The following N4BP2L1 variants were observed in gnomAD, a reference collection of about 807,000 sequenced individuals.
N4BP2L1 encodes the protein NEDD4 binding protein 2 like 1.
A neutral mutation model predicts 21.2 loss-of-function variants in N4BP2L1; 12 were observed. The observed-to-expected ratio is 0.57, with a 90% CI of 0.36 to 0.92. N4BP2L1 has a LOEUF of 0.92. Ranked by LOEUF, N4BP2L1 falls within the 40% of genes least tolerant of loss-of-function variation. The pLI, the probability that N4BP2L1 is intolerant of heterozygous loss-of-function variation, is 0.01. For synonymous variants in N4BP2L1, 104 were observed against 112.8 expected (o/e 0.92, Z 0.49); for missense variants, 259 against 310.6 (o/e 0.83, Z 1.25).
chr13:32,415,707 A>T (rs2074099303), intron 1 of N4BP2L1, among the ~76,000 whole-genome samples: 3 of 152,202 alleles, frequency 2.0e-5, no homozygotes, highest in African/African-American at 7.2e-5. Context: ...ATAGAGAGGA[A>T]TTTTTTAGAA....
At position 32,427,987 on chromosome 13, in the gene N4BP2L1, C is replaced by T. The variant is rs1332694741; in HGVS notation, c.96G>A (p.Gly32=). 4.5e-6 allele frequency: 7 copies of T among 1,554,418 alleles called. No homozygotes were observed. In the Admixed American group the frequency reaches 8.0e-5, roughly 18 times the overall value. Residue 32 remains glycine (G), a synonymous_variant, in exon 1 of 5, where the codon GGG becomes GGA. Transcript: ENST00000380130. The part of the protein sequence containing the change: ...RQRPPRPPPR[G]TPPRRHSFRK... ...TAAAGCTGTGGCGGCGAGGAGGTGTCCCCCGCGGGGGCGGCCGGGGCGGCC... is the reference window on the plus strand; with the variant it reads ...TAAAGCTGTGGCGGCGAGGAGGTGTTCCCCGCGGGGGCGGCCGGGGCGGCC...
intron 1 of N4BP2L1, 62 bp downstream of exon 1, chr13:32,427,842 G>T (rs538417479): frequency 1.7e-6 from 2 of 1,174,704 alleles, no homozygotes; most frequent in Admixed American, 4.3e-5. Flanking sequence ...GCAGGGGTGC[G>T]CTCGGCCGGG....
chr13:32,414,144 A>G (rs2074007639), intron 1 of N4BP2L1, among the ~76,000 whole-genome samples: 1 of 152,174 alleles, frequency 6.6e-6, no homozygotes, highest in Non-Finnish European at 1.5e-5. Flanking sequence ...GGCCTCTCAA[A>G]GTGCTGGGAT....
intron 1 of N4BP2L1, among the ~76,000 whole-genome samples, chr13:32,423,775 G>A (rs1185129838): frequency 6.6e-6 from 1 of 152,212 alleles, no homozygotes; most frequent in Admixed American, 6.5e-5. Flanking sequence ...CCCGGGGTCG[G>A]GGGAGTGGGG....
In N4BP2L1 at chr13:32,401,811, C is replaced by T; in HGVS notation, c.*1131G>A. The T allele has an allele frequency of 4.2e-6, 2 of 481,444 alleles. No homozygotes were observed. Among genetic ancestry groups the T allele is most frequent in the Non-Finnish European group, 5.4e-6 (2 of 368,930 alleles). The allele number at this position is 481,444 out of a possible 1,614,324, so 29.8% of individuals were successfully genotyped here. On this transcript the variant is annotated 3_prime_UTR_variant, in exon 5 of 5. Coordinates refer to ENST00000380130, the MANE Select transcript of N4BP2L1 (RefSeq NM_052818.3). Reference sequence around the variant, plus strand: ...ACACTTAAAATAATTTTTCACAGAACATTAGAAAGAAGCTGTTGGCCAACA... The same window carrying T: ...ACACTTAAAATAATTTTTCACAGAATATTAGAAAGAAGCTGTTGGCCAACA...
At position 32,402,858 on chromosome 13, in the gene N4BP2L1, C is replaced by G. The variant is rs2073223107; in HGVS notation, c.*84G>C. ...TCAGCTATTTACACTGGAATTGGAGCTCTGACTAAAATGCAACAAAAAATA... is the reference window on the plus strand; with the variant it reads ...TCAGCTATTTACACTGGAATTGGAGGTCTGACTAAAATGCAACAAAAAATA... On this transcript the variant is annotated 3_prime_UTR_variant, in exon 5 of 5. Transcript: ENST00000380130. 6.7e-7 allele frequency: 1 copy of G among 1,496,740 alleles called. No homozygotes were observed. Among genetic ancestry groups the G allele is most frequent in the Non-Finnish European group, 8.9e-7 (1 of 1,122,490 alleles). The allele number at this position is 1,496,740 out of a possible 1,614,324, so 92.7% of individuals were successfully genotyped here.
At position 32,401,116 on chromosome 13, in the gene N4BP2L1, G is replaced by C. The variant is rs2137681517; in HGVS notation, c.*1826C>G. On this transcript the variant is annotated 3_prime_UTR_variant, in exon 5 of 5. Transcript: ENST00000380130. ...CTAAAGCAGGGAGCCAGCCAAGTCAGGAGGGCTTGAATCTGGTCCTTTGAA... is the reference window on the plus strand; with the variant it reads ...CTAAAGCAGGGAGCCAGCCAAGTCACGAGGGCTTGAATCTGGTCCTTTGAA... 1 of 152,294 alleles carries C rather than the reference G, an allele frequency of 6.6e-6. No individual in the cohort carries two copies. The highest frequency in any genetic ancestry group is 2.1e-4 in the South Asian group (1 of 4,826). 9.4% of individuals were successfully genotyped at this position (152,294 alleles called of 1,614,324 possible).
In N4BP2L1 at chr13:32,402,240, A is replaced by G; in HGVS notation, c.*702T>C. On this transcript the variant is annotated 3_prime_UTR_variant, in exon 5 of 5. Transcript: ENST00000380130. Reference sequence around the variant, plus strand: ...ATTCAGGTTTAATCCTGCTGAATAAAGTAGTAAAAACACAAGGCGTGACTT... The same window carrying G: ...ATTCAGGTTTAATCCTGCTGAATAAGGTAGTAAAAACACAAGGCGTGACTT... 1 of 896,252 alleles carries G rather than the reference A, an allele frequency of 1.1e-6. No individual in the cohort carries two copies. The highest frequency in any genetic ancestry group is 1.2e-4 in the East Asian group (1 of 8,392). The allele number at this position is 896,252 out of a possible 1,614,324, so 55.5% of individuals were successfully genotyped here. A position where few individuals can be genotyped will look rare whatever the true frequency, so the allele number is the denominator to read the frequency against.
intron 1 of N4BP2L1, among the ~76,000 whole-genome samples, chr13:32,414,406 A>G (rs2074020190): frequency 6.6e-6 from 1 of 152,140 alleles, no homozygotes; most frequent in Non-Finnish European, 1.5e-5. Context: ...GATCATTTAG[A>G]GATATTCTTT....
upstream of N4BP2L1, among the ~76,000 whole-genome samples, chr13:32,429,439 C>T (rs897463481): frequency 6.6e-6 from 1 of 152,240 alleles, no homozygotes; most frequent in East Asian, 1.9e-4. Context: ...AGAAAATATA[C>T]ATAAATCGTA....
chr13:32,409,509 ATT>A, intron 1 of N4BP2L1, among the ~76,000 whole-genome samples: 3 of 152,352 alleles, frequency 2.0e-5, no homozygotes, highest in Non-Finnish European at 4.4e-5. Context: ...CCCATTAAAC[ATT>A]TATTGAGCAC....
chr13:32,422,153 G>A (rs1446549467), intron 1 of N4BP2L1, among the ~76,000 whole-genome samples: 2 of 151,642 alleles, frequency 1.3e-5, no homozygotes, highest in Non-Finnish European at 2.9e-5. Context: ...ATTCCCTGGT[G>A]AGTAATATTT....
At position 32,404,433 on chromosome 13, in the gene N4BP2L1, TAGTA is replaced by T. The variant is rs377155457; in HGVS notation, c.397-40_397-37del. 2,942 of 1,442,334 alleles carry T rather than the reference TAGTA, an allele frequency of 2.0e-3. 7 individuals are homozygous for T. The highest frequency in any genetic ancestry group is 2.5e-3 in the Non-Finnish European group (2,581 of 1,030,688). 89.3% of individuals were successfully genotyped at this position (1,442,334 alleles called of 1,614,324 possible). The stretch of plus-strand genomic sequence containing the variant: ...AAAAGTACATAAAACATTGAAGACA[TAGTA>T]TGTATGTTTGGGAATGTTTATGCTG... On this transcript the variant is annotated intron_variant, in intron 3 of 4. Coordinates refer to ENST00000380130, the MANE Select transcript of N4BP2L1 (RefSeq NM_052818.3).
intron 3 of N4BP2L1, among the ~76,000 whole-genome samples, chr13:32,405,401 T>G (rs1235798633): frequency 6.6e-6 from 1 of 152,006 alleles, no homozygotes; most frequent in African/African-American, 2.4e-5. Context: ...TCCCAGCTGC[T>G]GGGGTGGCTG....
intron 1 of N4BP2L1, among the ~76,000 whole-genome samples, chr13:32,421,019 T>C (rs1244002611): frequency 6.6e-6 from 1 of 152,232 alleles, no homozygotes; most frequent in African/African-American, 2.4e-5. Flanking sequence ...TTTCTCTTTA[T>C]GTGAATAATC....
intron 1 of N4BP2L1, among the ~76,000 whole-genome samples, chr13:32,408,897 G>A (rs1157909003): frequency 6.6e-6 from 1 of 152,222 alleles, no homozygotes; most frequent in African/African-American, 2.4e-5. Context: ...AGATGAGTAA[G>A]CACTTCAGGT....
Position 32,402,676 on chromosome 13 carries a change from G to T in N4BP2L1, c.*266C>A. The stretch of plus-strand genomic sequence containing the variant: ...AACCTATGTAAATATATTCTTGGGT[G>T]TGTTCTCAAGTTTTGGTTTCAAATT... On this transcript the variant is annotated 3_prime_UTR_variant, in exon 5 of 5. Coordinates refer to ENST00000380130, the MANE Select transcript of N4BP2L1 (RefSeq NM_052818.3). 8.1e-7 allele frequency: 1 copy of T among 1,233,704 alleles called. No individual in the cohort carries two copies. Among genetic ancestry groups the T allele is most frequent in the Non-Finnish European group, 1.0e-6 (1 of 986,702 alleles). 76.4% of individuals were successfully genotyped at this position (1,233,704 alleles called of 1,614,324 possible). A position where few individuals can be genotyped will look rare whatever the true frequency, so the allele number is the denominator to read the frequency against.
chr13:32,427,382 C>T (rs1341291383), intron 1 of N4BP2L1, among the ~76,000 whole-genome samples: 1 of 152,190 alleles, frequency 6.6e-6, no homozygotes, highest in Non-Finnish European at 1.5e-5. Flanking sequence ...TTTATGCGCT[C>T]GGATTACAGC....
Position 32,407,694 on chromosome 13 carries a change from C to G in N4BP2L1, c.258G>C (p.Glu86Asp), listed in dbSNP as rs1288789753. 1 of 1,613,744 alleles carries G rather than the reference C, an allele frequency of 6.2e-7. No individual in the cohort carries two copies. The highest frequency in any genetic ancestry group is 2.2e-5 in the East Asian group (1 of 44,884). ...DFFFREDGAY[E>D]FNPDFLEEAH... is the part of the protein sequence containing the mutation. The stretch of plus-strand genomic sequence containing the variant: ...CTTCCTCCAGGAAGTCAGGATTGAA[C>G]TCATAGGCACCATCTTCCCTGAAGA... The change falls in exon 2 of 5, where the codon GAG (glutamate) becomes GAC (aspartate). Residue 86 changes from glutamate (E) to aspartate (D), a missense_variant. This residue lies in a region of N4BP2L1 where 91 missense variants were observed against 148.1 expected (regional missense o/e 0.61). Coordinates refer to ENST00000380130, the MANE Select transcript of N4BP2L1 (RefSeq NM_052818.3).
Sources: allele counts gnomAD v4.1 joint callset (sites outside exome capture counted in the v4.1 genomes callset), GRCh38; gene constraint gnomAD v4.1.1; regional missense constraint gnomAD v4.1.1; transcripts MANE v1.5; gene names NCBI Gene and HGNC (gene_info 2026-07-23, HGNC 2026-07-21).